RTL4: variants seen among roughly 807,000 people sequenced by gnomAD.
RTL4 encodes retrotransposon Gag-like protein 4.
Under a neutral mutation model 5.3 loss-of-function variants are expected in RTL4, and 4 were observed. The observed-to-expected ratio is 0.75, with a 90% CI of 0.37 to 1.72. The LOEUF (loss-of-function observed/expected upper bound fraction) is 1.72. Ranked by LOEUF, RTL4 falls within the 40% of genes most tolerant of loss-of-function variation. The pLI, the probability that RTL4 is intolerant of heterozygous loss-of-function variation, is 0.04. For synonymous variants in RTL4, 98 were observed against 87.3 expected (o/e 1.12, Z -0.68); for missense variants, 260 against 227.1 (o/e 1.14, Z -0.93).
At chrX:112,350,855 T>C in the RTL4 span, among the ~76,000 whole-genome samples, 17 of 111,615 alleles carry the variant, frequency 1.5e-4, no homozygotes, top group African/African-American at 5.2e-4. Context: ...GTTTTTTGTG[T>C]CTCTATTTCC....
chrX:112,232,983 G>A, the RTL4 span, among the ~76,000 whole-genome samples: 1 of 111,511 alleles, frequency 9.0e-6, no homozygotes, highest in Admixed American at 9.5e-5. Flanking sequence ...TAAGGCAGTA[G>A]GAAGGATGTT....
chrX:112,276,340 A>G, the RTL4 span, among the ~76,000 whole-genome samples: 4 of 111,825 alleles, frequency 3.6e-5, no homozygotes, highest in Admixed American at 3.8e-4. Context: ...ATGTGTAATT[A>G]GTCTCATGAG....
the RTL4 span, among the ~76,000 whole-genome samples, chrX:112,321,575 A>G: frequency 3.8e-5 from 4 of 105,655 alleles, no homozygotes; most frequent in African/African-American, 1.5e-4. Context: ...AGAAAGAAAG[A>G]AGAAAGACAG....
chrX:112,237,359 C>G, the RTL4 span, among the ~76,000 whole-genome samples: 1 of 112,177 alleles, frequency 8.9e-6, no homozygotes, highest in African/African-American at 3.2e-5. Flanking sequence ...CTACTTCACT[C>G]AGACAGTTCA....
the RTL4 span, among the ~76,000 whole-genome samples, chrX:112,375,440 G>A: frequency 3.6e-5 from 4 of 111,348 alleles, no homozygotes; most frequent in Admixed American, 9.5e-5. Context: ...ATCTGGATGA[G>A]TTCAGAAAGA....
the RTL4 span, among the ~76,000 whole-genome samples, chrX:112,185,018 TA>T: frequency 9.0e-6 from 1 of 111,386 alleles, no homozygotes; most frequent in African/African-American, 3.3e-5. Flanking sequence ...CCTAGCAGAT[TA>T]GAAGGAGTCT....
chrX:112,418,154 A>C, the RTL4 span, among the ~76,000 whole-genome samples: 5 of 111,654 alleles, frequency 4.5e-5, no homozygotes, highest in Non-Finnish European at 9.4e-5. Flanking sequence ...TCTCAAAAAA[A>C]CAAATAAACA....
exon 1 of RTL4, chrX:112,456,050 G>T: frequency 3.5e-6 from 1 of 285,238 alleles, no homozygotes; most frequent in Non-Finnish European, 6.4e-6. Context: ...TGTGTGCCTA[G>T]AAATGAGCCC....
chrX:112,266,110 C>T, the RTL4 span, among the ~76,000 whole-genome samples: 3 of 110,782 alleles, frequency 2.7e-5, no homozygotes, highest in South Asian at 1.2e-3. Context: ...GCACACATTT[C>T]ACTGGACATG....
chrX:112,136,091 A>G, the RTL4 span, among the ~76,000 whole-genome samples: 2 of 110,330 alleles, frequency 1.8e-5, no homozygotes, highest in Non-Finnish European at 3.8e-5. Flanking sequence ...TTTTGATACT[A>G]TTGTAAATGG....
At chrX:112,393,014 G>T in the RTL4 span, among the ~76,000 whole-genome samples, 1 of 110,906 alleles carries the variant, frequency 9.0e-6, no homozygotes. Context: ...CTGTTGGCCA[G>T]AGAGCACTGA....
At chrX:112,451,481 AGAGT>A (rs1926734626), upstream of RTL4, among the ~76,000 whole-genome samples, 1 of 111,154 alleles carries the variant, frequency 9.0e-6, no homozygotes, top group Non-Finnish European at 1.9e-5. Context: ...CCTAGGCAAT[AGAGT>A]GAGGTTCTGT....
the RTL4 span, among the ~76,000 whole-genome samples, chrX:112,310,601 T>C: frequency 3.4e-5 from 2 of 58,254 alleles, no homozygotes; most frequent in East Asian, 5.6e-4. Context: ...ATATATTATA[T>C]ATATTTATAT....
the RTL4 span, among the ~76,000 whole-genome samples, chrX:112,084,490 T>A: frequency 9.1e-6 from 1 of 109,850 alleles, no homozygotes; most frequent in Non-Finnish European, 1.9e-5. Flanking sequence ...TTCTAAAGAT[T>A]GGCCAAGAGG....
chrX:112,291,884 C>T, the RTL4 span, among the ~76,000 whole-genome samples: 17 of 110,569 alleles, frequency 1.5e-4, no homozygotes, highest in African/African-American at 4.6e-4. Context: ...CATGAGCCAC[C>T]GTGCCCGGCC....
the RTL4 span, among the ~76,000 whole-genome samples, chrX:112,331,361 A>G: frequency 5.6e-5 from 6 of 106,499 alleles, no homozygotes; most frequent in African/African-American, 1.7e-4. Context: ...ATGAACAGAC[A>G]CTTCTCAAAA....
chrX:112,243,784 A>T, the RTL4 span, among the ~76,000 whole-genome samples: 1 of 110,829 alleles, frequency 9.0e-6, no homozygotes, highest in Admixed American at 9.6e-5. Context: ...TTTAATTGTG[A>T]TGTTAGGGTG....
the RTL4 span, among the ~76,000 whole-genome samples, chrX:112,390,106 A>AATATATAT: frequency 2.2e-3 from 38 of 17,363 alleles, 1 homozygote; most frequent in Non-Finnish European, 2.3e-3. Context: ...ATTTATATAT[A>AATATATAT]ATATATATAT....
the RTL4 span, among the ~76,000 whole-genome samples, chrX:112,333,932 C>T: frequency 9.4e-6 from 1 of 106,669 alleles, no homozygotes; most frequent in Non-Finnish European, 1.9e-5. Context: ...ACCATCCCCA[C>T]CTCCCCCCAC....
Sources: gnomAD v4.1 joint callset for allele counts (sites outside exome capture counted in the v4.1 genomes callset) on GRCh38, gnomAD v4.1.1 for gene constraint, MANE v1.5 for transcripts, NCBI Gene and HGNC (gene_info 2026-07-23, HGNC 2026-07-21) for gene names.